PAPPA: variants seen among roughly 807,000 people sequenced by gnomAD.
PAPPA encodes the protein pappalysin-1.
A neutral mutation model predicts 164.0 loss-of-function variants in PAPPA; 60 were observed. The ratio of observed to expected loss-of-function variants is 0.37; its 90% CI spans 0.30 to 0.45. PAPPA has a LOEUF of 0.45. Among genes scored for constraint, PAPPA ranks in the 20% least tolerant of loss-of-function variants. The probability of loss-of-function intolerance (pLI) is 1.00; values close to 1 mark genes in which losing one functional copy is unlikely to be tolerated. For missense variants in PAPPA, 1,782 were observed against 2,087.3 expected (o/e 0.85, Z 2.85); for synonymous variants, 875 against 814.1 (o/e 1.07, Z -1.27).
intron 17 of PAPPA, among the ~76,000 whole-genome samples, chr9:116,360,893 C>T (rs1846417989): frequency 6.6e-6 from 1 of 152,148 alleles, no homozygotes; most frequent in East Asian, 1.9e-4. Flanking sequence ...TAGGTAATGT[C>T]CTGTCAGAGA....
intron 2 of PAPPA, among the ~76,000 whole-genome samples, chr9:116,204,610 C>T (rs1229641781): frequency 6.6e-6 from 1 of 152,058 alleles, no homozygotes; most frequent in African/African-American, 2.4e-5. Flanking sequence ...AAGATGGGAT[C>T]TCCCTGTGTT....
chr9:116,393,785 C>T (rs935865597), intron 21 of PAPPA, among the ~76,000 whole-genome samples: 2 of 151,906 alleles, frequency 1.3e-5, no homozygotes, highest in African/African-American at 4.8e-5. Context: ...TGGCTAAGGA[C>T]ACAAAAGTAG....
intron 9 of PAPPA, among the ~76,000 whole-genome samples, chr9:116,291,598 C>T (rs774887091): frequency 1.1e-4 from 16 of 151,902 alleles, no homozygotes; most frequent in Admixed American, 3.3e-4. Context: ...CCTAAGTATT[C>T]GGGATATTAA....
intron 9 of PAPPA, among the ~76,000 whole-genome samples, chr9:116,279,334 A>T (rs768747645): frequency 6.6e-6 from 1 of 152,106 alleles, no homozygotes; most frequent in African/African-American, 2.4e-5. Context: ...GATCTGAAGT[A>T]CTCAACAGGG....
chr9:116,155,927 G>T lies in PAPPA; in HGVS notation c.415+1340G>T, dbSNP rs538762029. Among the ~76,000 whole-genome samples the T allele has an allele frequency of 5.5e-4, 83 of 151,484 alleles. 1 individual carries two copies. Among genetic ancestry groups the T allele is most frequent in the African/African-American group, 1.7e-3 (69 of 41,304 alleles). ...CTTTTTTTTTTTCCTCCGGGAAGAA[G>T]AAGGAGACTGAACTCATTCACTTTT... On this transcript the variant is annotated intron_variant, in intron 1 of 21. Coordinates refer to ENST00000328252, the MANE Select transcript of PAPPA (RefSeq NM_002581.5).
intron 19 of PAPPA, among the ~76,000 whole-genome samples, chr9:116,370,694 A>G (rs2118659789): frequency 6.6e-6 from 1 of 152,352 alleles, no homozygotes; most frequent in East Asian, 1.9e-4. Flanking sequence ...ACCGACACTT[A>G]GCCAAGACAG....
intron 19 of PAPPA, among the ~76,000 whole-genome samples, chr9:116,369,739 C>A (rs1207438163): frequency 2.0e-5 from 3 of 152,060 alleles, no homozygotes; most frequent in African/African-American, 7.2e-5. Flanking sequence ...TGAAAGCCTG[C>A]AAGCTGCCCC....
At chr9:116,231,517 A>C (rs755716649) in intron 6 of PAPPA, among the ~76,000 whole-genome samples, 13 of 152,018 alleles carry the variant, frequency 8.6e-5, no homozygotes, top group African/African-American at 3.1e-4. Context: ...CGTTAGTCCA[A>C]TACTCTCCTA....
At chr9:116,330,795 A>G (rs1216493639) in intron 10 of PAPPA, among the ~76,000 whole-genome samples, 1 of 152,166 alleles carries the variant, frequency 6.6e-6, no homozygotes, top group Non-Finnish European at 1.5e-5. Context: ...CTAATTGTTC[A>G]ACCCACTTTT....
At chr9:116,308,328 G>A (rs1262610102) in intron 10 of PAPPA, among the ~76,000 whole-genome samples, 2 of 152,232 alleles carry the variant, frequency 1.3e-5, no homozygotes, top group Non-Finnish European at 2.9e-5. Flanking sequence ...AGTGATGAGA[G>A]CCAGTGTGTA....
intron 9 of PAPPA, among the ~76,000 whole-genome samples, chr9:116,276,436 T>A (rs1845199082): frequency 6.6e-6 from 1 of 152,160 alleles, no homozygotes; most frequent in Non-Finnish European, 1.5e-5. Context: ...TTGGGTCCAG[T>A]TCCCAGTTTA....
chr9:116,217,276 A>G (rs1844385726), intron 4 of PAPPA, among the ~76,000 whole-genome samples: 1 of 152,164 alleles, frequency 6.6e-6, no homozygotes, highest in Admixed American at 6.5e-5. Flanking sequence ...GCCCTTGCTC[A>G]TTGAATTCTC....
intron 7 of PAPPA, among the ~76,000 whole-genome samples, chr9:116,251,771 G>GA (rs149363691): frequency 2.0e-5 from 3 of 152,076 alleles, no homozygotes; most frequent in African/African-American, 4.8e-5. Flanking sequence ...TTGCATTCAG[G>GA]AAAAAAACAA....
chr9:116,353,571 A>G, intron 16 of PAPPA, 51 bp from the exon 17 acceptor site: 1 of 1,540,624 alleles, frequency 6.5e-7, no homozygotes, highest in Non-Finnish European at 8.9e-7. Flanking sequence ...CAGGGCATGG[A>G]TCTAGCCATT....
At chr9:116,286,253 G>A (rs560817230) in intron 9 of PAPPA, 1 of 152,236 alleles carries the variant, frequency 6.6e-6, no homozygotes, top group Admixed American at 6.5e-5. Flanking sequence ...AAGAATGGGT[G>A]GGTGGAACCA....
chr9:116,277,873 G>A (rs1398335929), intron 9 of PAPPA, among the ~76,000 whole-genome samples: 1 of 152,004 alleles, frequency 6.6e-6, no homozygotes, highest in East Asian at 1.9e-4. Flanking sequence ...TCACCATGTC[G>A]GACAGGCTAG....
At chr9:116,209,312 C>A (rs1374503972) in intron 3 of PAPPA, among the ~76,000 whole-genome samples, 2 of 152,190 alleles carry the variant, frequency 1.3e-5, no homozygotes, top group African/African-American at 4.8e-5. Context: ...AGGCAATTCT[C>A]TTTCCTTCCT....
chr9:116,166,430 G>A (rs1322662900), intron 1 of PAPPA, among the ~76,000 whole-genome samples: 1 of 152,122 alleles, frequency 6.6e-6, no homozygotes, highest in Non-Finnish European at 1.5e-5. Flanking sequence ...GTCCTTCTGA[G>A]CCTCAAGTGT....
intron 1 of PAPPA, among the ~76,000 whole-genome samples, chr9:116,175,582 C>A (rs1843824834): frequency 6.6e-6 from 1 of 152,098 alleles, no homozygotes; most frequent in African/African-American, 2.4e-5. Context: ...AAAACTCCCC[C>A]CAAATTAGGT....
Sources: allele counts gnomAD v4.1 joint callset (sites outside exome capture counted in the v4.1 genomes callset), GRCh38; gene constraint gnomAD v4.1.1; transcripts MANE v1.5; gene names NCBI Gene and HGNC (gene_info 2026-07-23, HGNC 2026-07-21).